Variants in GPR149 observed in about 807,000 individuals in gnomAD.
GPR149 encodes the protein G protein-coupled receptor 149.
Under a neutral mutation model 50.2 loss-of-function variants are expected in GPR149, and 50 were observed. The ratio of observed to expected loss-of-function variants is 1.00; its 90% CI spans 0.79 to 1.26. The LOEUF is 1.26. GPR149 is among the 50% of genes most tolerant of loss of function. GPR149 has a pLI of 0.00. For synonymous variants in GPR149, 405 were observed against 358.2 expected (o/e 1.13, Z -1.48); for missense variants, 983 against 895.4 (o/e 1.10, Z -1.25).
At chr3:154,347,382 AG>A (rs202014560) in intron 3 of GPR149, among the ~76,000 whole-genome samples, 2,258 of 152,284 alleles carry the variant, frequency 0.015, 38 homozygotes, top group South Asian at 0.038. Flanking sequence ...GCTGAGCAAA[AG>A]GGGGAAAAGC....
intron 3 of GPR149, among the ~76,000 whole-genome samples, chr3:154,364,896 C>CT (rs1714493944): frequency 6.6e-6 from 1 of 152,186 alleles, no homozygotes; most frequent in African/African-American, 2.4e-5. Flanking sequence ...ACTCCCACAG[C>CT]TTCATGAGAC....
chr3:154,374,364 G>A (rs1367371151), intron 3 of GPR149, among the ~76,000 whole-genome samples: 2 of 151,588 alleles, frequency 1.3e-5, no homozygotes, highest in Non-Finnish European at 2.9e-5. Flanking sequence ...TGTAAAGATG[G>A]GGTTCGCCAT....
At chr3:154,377,039 C>T (rs1266461913) in intron 3 of GPR149, among the ~76,000 whole-genome samples, 1 of 137,158 alleles carries the variant, frequency 7.3e-6, no homozygotes, top group Non-Finnish European at 1.5e-5. Flanking sequence ...ACTGGTAGCC[C>T]TGAATTAAAA....
rs78321545 is a variant in GPR149 at position 154,427,664 on chromosome 3, G to A, written c.1026C>T (p.Pro342=). The change falls in exon 2 of 4, where the codon CCC becomes CCT. Residue 342 remains proline (P), a synonymous_variant. Transcript: ENST00000389740. ...VQNVVGFQSL[P]LETFSFLLTL... ...TAAGTAGAAAGCTGAATGTCTCCAAGGGAAGGCTCTGAAACCCCACGACGT... is the reference window on the plus strand; with the variant it reads ...TAAGTAGAAAGCTGAATGTCTCCAAAGGAAGGCTCTGAAACCCCACGACGT... The A allele has an allele frequency of 7.6e-4, 1,231 of 1,614,134 alleles. 9 individuals are homozygous for A. In the African/African-American group the frequency reaches 0.015, roughly 20 times the overall value.
chr3:154,342,184 G>A (rs1713813586), intron 3 of GPR149, among the ~76,000 whole-genome samples: 1 of 152,166 alleles, frequency 6.6e-6, no homozygotes, highest in Non-Finnish European at 1.5e-5. Context: ...TGAAATGTCT[G>A]TATAGAAATA....
chr3:154,377,565 C>G (rs983180042), intron 3 of GPR149, among the ~76,000 whole-genome samples: 3 of 151,936 alleles, frequency 2.0e-5, no homozygotes, highest in Non-Finnish European at 2.9e-5. Flanking sequence ...CGGTGTTTCA[C>G]CATCTGGCCA....
rs1226398830 is a variant in GPR149 at position 154,392,327 on chromosome 3, T to A, written c.1623+28712A>T. Among the ~76,000 whole-genome samples, 8 of 150,656 alleles carry A rather than the reference T, an allele frequency of 5.3e-5. No individual in the cohort carries two copies. The South Asian group carries it at 1.3e-3, about 24-fold the overall frequency. On this transcript the variant is annotated intron_variant, in intron 3 of 3. Transcript: ENST00000389740. ...AACAACTAATGGGTCAAGGAAGAAA[T>A]CAAAAGGAAAATTAGAAAGTCTCTT... is the stretch of plus-strand genomic sequence containing the variant.
At chr3:154,393,016 A>T (rs1715204392) in intron 3 of GPR149, among the ~76,000 whole-genome samples, 1 of 152,052 alleles carries the variant, frequency 6.6e-6, no homozygotes, top group Admixed American at 6.6e-5. Context: ...AAAACGAATT[A>T]ATGCCAATTC....
At position 154,346,585 on chromosome 3, in the gene GPR149, T is replaced by TTTTTC. The variant is rs554829113; in HGVS notation, c.1624-8319_1624-8315dup. Among the ~76,000 whole-genome samples, 860 of 151,642 alleles carry TTTTTC rather than the reference T, an allele frequency of 5.7e-3. 12 individuals are homozygous for TTTTTC. Among genetic ancestry groups the TTTTTC allele is most frequent in the African/African-American group, 0.02 (818 of 41,306 alleles). Reference sequence around the variant, plus strand: ...AAGGCCTTCAAGCTACAAATTAAGGTTTTTCTTTTCTTTTCTTTTTCTTTT... The same window carrying TTTTTC: ...AAGGCCTTCAAGCTACAAATTAAGGTTTTTCTTTTCTTTTCTTTTCTTTTTCTTTT... On this transcript the variant is annotated intron_variant, in intron 3 of 3. Transcript: ENST00000389740.
chr3:154,396,206 C>T (rs1229332043), intron 3 of GPR149, among the ~76,000 whole-genome samples: 1 of 152,084 alleles, frequency 6.6e-6, no homozygotes, highest in African/African-American at 2.4e-5. Context: ...TTTTACAAGA[C>T]AGGTCACAGA....
At chr3:154,408,764 G>C (rs965151540) in intron 3 of GPR149, among the ~76,000 whole-genome samples, 9 of 152,168 alleles carry the variant, frequency 5.9e-5, no homozygotes, top group African/African-American at 2.2e-4. Context: ...GTAGTCGAAG[G>C]CAAAAGCAAT....
Position 154,373,743 on chromosome 3 carries a change from A to C in GPR149, c.1624-35472T>G, listed in dbSNP as rs79317986. 5.9e-5 allele frequency among the ~76,000 whole-genome samples: 9 copies of C among 152,156 alleles called. 1 individual carries two copies. The South Asian group carries it at 1.9e-3, about 32-fold the overall frequency. ...TTGCATCTAGAATTCTCTGTCTTCTACTCCTCTCAGGACTCCTTTATTCAG... is the reference window on the plus strand; with the variant it reads ...TTGCATCTAGAATTCTCTGTCTTCTCCTCCTCTCAGGACTCCTTTATTCAG... On this transcript the variant is annotated intron_variant, in intron 3 of 3. Coordinates refer to ENST00000389740, the MANE Select transcript of GPR149 (RefSeq NM_001038705.3).
chr3:154,366,549 T>C (rs544608938), intron 3 of GPR149, among the ~76,000 whole-genome samples: 4 of 152,242 alleles, frequency 2.6e-5, no homozygotes, highest in Non-Finnish European at 5.9e-5. Flanking sequence ...CTATTCTCTG[T>C]GATGGCTGTT....
chr3:154,338,502 T>C (rs1248703359), intron 3 of GPR149, among the ~76,000 whole-genome samples: 6 of 152,184 alleles, frequency 3.9e-5, no homozygotes, highest in African/African-American at 1.2e-4. Flanking sequence ...TATTTGAAGA[T>C]GAGGGGCATA....
At chr3:154,356,880 C>G (rs888867889) in intron 3 of GPR149, among the ~76,000 whole-genome samples, 8 of 152,128 alleles carry the variant, frequency 5.3e-5, no homozygotes, top group Non-Finnish European at 8.8e-5. Context: ...CCAAGTCAAT[C>G]CTAAGACAAA....
At chr3:154,375,653 G>T (rs1452192047) in intron 3 of GPR149, among the ~76,000 whole-genome samples, 1 of 152,178 alleles carries the variant, frequency 6.6e-6, no homozygotes, top group Non-Finnish European at 1.5e-5. Flanking sequence ...ATTATGGAAA[G>T]TATATCATTT....
chr3:154,402,734 T>C (rs895741216), intron 3 of GPR149, among the ~76,000 whole-genome samples: 10 of 93,432 alleles, frequency 1.1e-4, no homozygotes, highest in Non-Finnish European at 1.6e-4. Context: ...GTTGTCTATA[T>C]CCTGTACACT....
rs539599914 is a variant in GPR149, at chr3:154,367,351, T to G, written c.1624-29080A>C. 1.6e-4 allele frequency among the ~76,000 whole-genome samples: 23 copies of G among 141,682 alleles called. 1 individual carries two copies. Among genetic ancestry groups the G allele is most frequent in the African/African-American group, 6.0e-4 (23 of 38,484 alleles). 92.9% of individuals were successfully genotyped at this position (141,682 alleles called of 152,430 possible). A position where few individuals can be genotyped will look rare whatever the true frequency, so the allele number is the denominator to read the frequency against. ...CTCTCTCCCTTCCCCCCCCCGAAAC[T>G]AAAAGGAATGTTAAAAGCCAGTTTT... is the stretch of plus-strand genomic sequence containing the variant. On this transcript the variant is annotated intron_variant, in intron 3 of 3. Coordinates refer to ENST00000389740, the MANE Select transcript of GPR149 (RefSeq NM_001038705.3).
Position 154,429,563 on chromosome 3 carries a change from T to C in GPR149, c.53A>G (p.Glu18Gly), listed in dbSNP as rs1269525417. 1 of 1,613,844 alleles carries C rather than the reference T, an allele frequency of 6.2e-7. No homozygotes were observed. Among genetic ancestry groups the C allele is most frequent in the Non-Finnish European group, 8.5e-7 (1 of 1,179,690 alleles). Reference sequence around the variant, plus strand: ...TAAAAGGTCCGTAGAATTATGATTCTCTTTCCACAGGCTAGAGTCATTTGT... The same window carrying C: ...TAAAAGGTCCGTAGAATTATGATTCCCTTTCCACAGGCTAGAGTCATTTGT... Reference protein sequence around the residue: ...LSTNDSSLWKENHNSTDLLNP... With the variant: ...LSTNDSSLWKGNHNSTDLLNP... The change falls in exon 1 of 4, where the codon GAG becomes GGG. Residue 18 changes from glutamate (E) to glycine (G), a missense_variant. Glu to Gly is a moderately conservative substitution (Grantham distance 98). Coordinates refer to ENST00000389740, the MANE Select transcript of GPR149 (RefSeq NM_001038705.3).
Sources: gnomAD v4.1 joint callset for allele counts (sites outside exome capture counted in the v4.1 genomes callset) on GRCh38, gnomAD v4.1.1 for gene constraint, MANE v1.5 for transcripts, NCBI Gene and HGNC (gene_info 2026-07-23, HGNC 2026-07-21) for gene names.